Variants in B3GALT1 observed in about 807,000 individuals in gnomAD.
B3GALT1 encodes the protein beta-1,3-galactosyltransferase 1, also known as UDP-Gal:betaGlcNAc beta 1,3-galactosyltransferase, polypeptide 1.
A neutral mutation model predicts 23.2 loss-of-function variants in B3GALT1; 10 were observed. The ratio of observed to expected loss-of-function variants is 0.43; its 90% CI spans 0.27 to 0.73. The LOEUF is 0.73. Ranked by LOEUF, B3GALT1 falls within the 30% of genes least tolerant of loss-of-function variation. The pLI, the probability that B3GALT1 is intolerant of heterozygous loss-of-function variation, is 0.21. For synonymous variants in B3GALT1, 156 were observed against 141.5 expected, an observed-to-expected ratio of 1.10 and a Z score of -0.73; for missense variants, 299 against 405.4, an observed-to-expected ratio of 0.74 and a Z score of 2.25.
intron 3 of B3GALT1, among the ~76,000 whole-genome samples, chr2:167,739,928 A>C (rs1687552001): frequency 7.5e-6 from 1 of 133,530 alleles, no homozygotes; most frequent in African/African-American, 2.9e-5. Context: ...TTGTCTCTAC[A>C]AAAAAACAAA....
intron 2 of B3GALT1, among the ~76,000 whole-genome samples, chr2:167,533,200 C>CT (rs532494690): frequency 1.2e-3 from 181 of 152,118 alleles, no homozygotes; most frequent in Non-Finnish European, 1.9e-3. Flanking sequence ...AATTTTTTCA[C>CT]TTGACTCATT....
chr2:167,552,834 A>C lies in B3GALT1; in HGVS notation c.-410+62557A>C, dbSNP rs79837776. Reference sequence around the variant, plus strand: ...AAATATTAAAATGGCTTGGTTTCCAAACAAGATATTCTCTTTGTGTTTTTA... The same window carrying C: ...AAATATTAAAATGGCTTGGTTTCCACACAAGATATTCTCTTTGTGTTTTTA... On this transcript the variant is annotated intron_variant, in intron 2 of 4. Coordinates refer to ENST00000392690, the MANE Select transcript of B3GALT1 (RefSeq NM_020981.4). Among the ~76,000 whole-genome samples, 664 of 152,294 alleles carry C rather than the reference A, an allele frequency of 4.4e-3. 22 individuals are homozygous for C. In the East Asian group the frequency reaches 0.086, roughly 20 times the overall value.
intron 1 of B3GALT1, among the ~76,000 whole-genome samples, chr2:167,460,182 T>C (rs969535427): frequency 1.1e-4 from 17 of 152,218 alleles, no homozygotes; most frequent in African/African-American, 3.6e-4. Context: ...ATCCATTATT[T>C]CTTTGAATAT....
intron 1 of B3GALT1, among the ~76,000 whole-genome samples, chr2:167,444,946 A>G (rs1185356947): frequency 6.6e-6 from 1 of 152,018 alleles, no homozygotes; most frequent in African/African-American, 2.4e-5. Context: ...AGTTCTATTA[A>G]TTGTGTTGTT....
chr2:167,835,102 G>A (rs571120543), intron 4 of B3GALT1, among the ~76,000 whole-genome samples: 118 of 152,304 alleles, frequency 7.7e-4, no homozygotes, highest in African/African-American at 2.5e-3. Flanking sequence ...CAGCATGAGC[G>A]ACGCAGAAGA....
At chr2:167,610,910 CA>C (rs67057122) in intron 2 of B3GALT1, among the ~76,000 whole-genome samples, 1,707 of 91,958 alleles carry the variant, frequency 0.019, 26 homozygotes, top group African/African-American at 0.068. Context: ...TTTATTTGTA[CA>C]AAAAAAAAAA....
At chr2:167,768,239 C>T (rs969855381) in intron 3 of B3GALT1, among the ~76,000 whole-genome samples, 4 of 152,158 alleles carry the variant, frequency 2.6e-5, no homozygotes, top group African/African-American at 7.2e-5. Flanking sequence ...TTCACCATTA[C>T]AAAAGGTATT....
In B3GALT1 at chr2:167,870,185, G is replaced by A; in HGVS notation, c.*165G>A. 1.5e-6 allele frequency: 1 copy of A among 659,466 alleles called. No homozygotes were observed. The highest frequency in any genetic ancestry group is 2.5e-6 in the Non-Finnish European group (1 of 398,128). The allele number at this position is 659,466 out of a possible 1,614,324, so 40.9% of individuals were successfully genotyped here. A position where few individuals can be genotyped will look rare whatever the true frequency, so the allele number is the denominator to read the frequency against. ...TTGGATTACCAATTTATGAATGTTA[G>A]ACTCTGGTCATAGAAACAATAAATG... On this transcript the variant is annotated 3_prime_UTR_variant, in exon 5 of 5. Transcript: ENST00000392690.
chr2:167,550,737 AG>A (rs1222658346), intron 2 of B3GALT1, among the ~76,000 whole-genome samples: 1 of 152,184 alleles, frequency 6.6e-6, no homozygotes, highest in East Asian at 1.9e-4. Flanking sequence ...GAGGGATGAA[AG>A]AGAGGAAGTT....
At chr2:167,768,021 G>A (rs980311785) in intron 3 of B3GALT1, among the ~76,000 whole-genome samples, 3 of 152,030 alleles carry the variant, frequency 2.0e-5, no homozygotes, top group Non-Finnish European at 2.9e-5. Context: ...CAGTCAGGCA[G>A]ACAGAGAAAT....
chr2:167,654,421 G>A (rs377035004), intron 3 of B3GALT1, among the ~76,000 whole-genome samples: 2 of 152,090 alleles, frequency 1.3e-5, no homozygotes, highest in African/African-American at 4.8e-5. Flanking sequence ...GTGGGAAGGG[G>A]GAGCTAAAAA....
At chr2:167,624,496 A>C (rs1003681144) in intron 2 of B3GALT1, among the ~76,000 whole-genome samples, 4 of 152,096 alleles carry the variant, frequency 2.6e-5, no homozygotes, top group African/African-American at 9.7e-5. Context: ...TACATATTTT[A>C]GCTAATGTTC....
intron 3 of B3GALT1, among the ~76,000 whole-genome samples, chr2:167,721,285 G>A (rs1203481029): frequency 1.3e-5 from 2 of 152,206 alleles, no homozygotes; most frequent in Non-Finnish European, 2.9e-5. Flanking sequence ...AAAGAATTTA[G>A]CAGGTTTATA....
Position 167,371,957 on chromosome 2 carries a change from A to G in B3GALT1, c.-511+78623A>G, listed in dbSNP as rs539647166. Among the ~76,000 whole-genome samples, 12 of 151,854 alleles carry G rather than the reference A, an allele frequency of 7.9e-5. No individual in the cohort carries two copies. The South Asian group carries it at 2.3e-3, about 29-fold the overall frequency. ...TTATAATATTTTTTTCAAAATTAGTAATCTATTGAAATGTGGTTAAAAGAT... is the reference window on the plus strand; with the variant it reads ...TTATAATATTTTTTTCAAAATTAGTGATCTATTGAAATGTGGTTAAAAGAT... On this transcript the variant is annotated intron_variant, in intron 1 of 4. Transcript: ENST00000392690.
At chr2:167,528,658 A>G (rs1025403217) in intron 2 of B3GALT1, among the ~76,000 whole-genome samples, 10 of 152,198 alleles carry the variant, frequency 6.6e-5, no homozygotes, top group Admixed American at 2.0e-4. Flanking sequence ...CTTACAGGAA[A>G]TAGAACTACA....
chr2:167,395,801 A>G (rs1439707649), intron 1 of B3GALT1, among the ~76,000 whole-genome samples: 1 of 152,172 alleles, frequency 6.6e-6, no homozygotes, highest in Non-Finnish European at 1.5e-5. Flanking sequence ...AAAATCAAAT[A>G]CAAAAATAAA....
chr2:167,799,566 A>G (rs539400545), intron 3 of B3GALT1, among the ~76,000 whole-genome samples: 3 of 152,324 alleles, frequency 2.0e-5, no homozygotes, highest in African/African-American at 7.2e-5. Flanking sequence ...AACACAGTAT[A>G]TTGCAAAGGA....
At chr2:167,642,054 A>C (rs1166416358) in intron 2 of B3GALT1, among the ~76,000 whole-genome samples, 1 of 152,150 alleles carries the variant, frequency 6.6e-6, no homozygotes, top group Non-Finnish European at 1.5e-5. Flanking sequence ...CTAAGTTTCA[A>C]ATCACTCAGT....
chr2:167,507,350 T>C (rs1319402318), intron 2 of B3GALT1, among the ~76,000 whole-genome samples: 4 of 150,974 alleles, frequency 2.6e-5, no homozygotes, highest in Non-Finnish European at 4.4e-5. Context: ...ACTAAAAAAA[T>C]ACAAAAATTA....
Sources: gnomAD v4.1 joint callset for allele counts (sites outside exome capture counted in the v4.1 genomes callset) on GRCh38, gnomAD v4.1.1 for gene constraint, MANE v1.5 for transcripts, NCBI Gene and HGNC (gene_info 2026-07-23, HGNC 2026-07-21) for gene names.